PTPRN2: variants seen among roughly 807,000 people sequenced by gnomAD.
PTPRN2 encodes receptor-type tyrosine-protein phosphatase N2.
Under a neutral mutation model 118.8 loss-of-function variants are expected in PTPRN2, and 74 were observed. The observed-to-expected ratio is 0.62, with a 90% confidence interval of 0.52 to 0.76. The LOEUF (loss-of-function observed/expected upper bound fraction) is 0.76, where lower values mean the gene tolerates loss of function less well. PTPRN2 is among the 30% of genes least tolerant of loss of function. The pLI is 0.00. For synonymous variants in PTPRN2, 641 were observed against 608.0 expected (o/e 1.05, Z -0.80); for missense variants, 1,481 against 1,394.4 (o/e 1.06, Z -0.99).
At chr7:157,751,702 T>C (rs562729509) in intron 12 of PTPRN2, among the ~76,000 whole-genome samples, 61 of 151,946 alleles carry the variant, frequency 4.0e-4, no homozygotes, top group Non-Finnish European at 6.3e-4. Flanking sequence ...CGACATCACT[T>C]GGAGAACTTA....
chr7:158,396,121 G>T (rs12669482), intron 2 of PTPRN2, among the ~76,000 whole-genome samples: 1 of 151,822 alleles, frequency 6.6e-6, no homozygotes, highest in Non-Finnish European at 1.5e-5. Context: ...CGAAGGCCGG[G>T]ACACGCACAG....
In PTPRN2 at chr7:157,547,380, T is replaced by C. The variant is rs577894717; in HGVS notation, c.2976+1566A>G. On this transcript the variant is annotated intron_variant, in intron 22 of 22. Coordinates refer to ENST00000389418, the MANE Select transcript of PTPRN2 (RefSeq NM_002847.5). ...GCAGCCAGTACAGGAGGATGGTCAG[T>C]GCGGCAAGATGGACCCTTCCAAGGT... Among the ~76,000 whole-genome samples the C allele has an allele frequency of 2.7e-4, 41 of 152,234 alleles. No homozygotes were observed. The East Asian group carries it at 7.4e-3, about 27-fold the overall frequency.
In PTPRN2 at chr7:157,845,684, G is replaced by T. The variant is rs916456020; in HGVS notation, c.1788+52989C>A. On this transcript the variant is annotated intron_variant, in intron 12 of 22. Coordinates refer to ENST00000389418, the MANE Select transcript of PTPRN2 (RefSeq NM_002847.5). The surrounding 1 kb of genome is among the most constrained non-coding windows in gnomAD (Gnocchi z 4.5). ...GAACCTCCCCGCGGGGCAGGTGGGT[G>T]CACAGGAAAGAAACCAACATGGAGC... Among the ~76,000 whole-genome samples the T allele has an allele frequency of 6.6e-6, 1 of 152,194 alleles. No individual in the cohort carries two copies. Among genetic ancestry groups the T allele is most frequent in the Admixed American group, 6.6e-5 (1 of 15,266 alleles).
intron 6 of PTPRN2, among the ~76,000 whole-genome samples, chr7:158,151,509 G>GC (rs1478993987): frequency 0.012 from 238 of 20,396 alleles, 33 homozygotes; most frequent in East Asian, 0.018. Flanking sequence ...CCGCCTTTCT[G>GC]CTCCTCACCG....
intron 12 of PTPRN2, among the ~76,000 whole-genome samples, chr7:157,844,838 T>C (rs1051892379): frequency 6.6e-6 from 1 of 152,200 alleles, no homozygotes; most frequent in African/African-American, 2.4e-5. Flanking sequence ...ATCTGTGGTG[T>C]TCTGTCTACC....
At chr7:157,836,846 T>TCCATCCATCCATCCATCCATC (rs1554464897) in intron 12 of PTPRN2, among the ~76,000 whole-genome samples, 2 of 151,848 alleles carry the variant, frequency 1.3e-5, no homozygotes, top group South Asian at 2.1e-4. Context: ...GTGTGTCCAT[T>TCCATCCATCCATCCATCCATC]CATCCATCCA....
chr7:157,595,177 C>T (rs537007550), intron 17 of PTPRN2, 61 bp downstream of exon 17: 25 of 1,490,316 alleles, frequency 1.7e-5, no homozygotes, highest in East Asian at 2.3e-5. Context: ...AGACATGATT[C>T]GTGACCCAGT....
chr7:158,075,268 C>A (rs557205582), intron 11 of PTPRN2, among the ~76,000 whole-genome samples: 1 of 152,322 alleles, frequency 6.6e-6, no homozygotes, highest in Non-Finnish European at 1.5e-5. Context: ...TTCCCTAAAG[C>A]CTCCATCCAA....
chr7:158,047,149 G>A (rs1453250175), intron 11 of PTPRN2, among the ~76,000 whole-genome samples: 1 of 152,190 alleles, frequency 6.6e-6, no homozygotes, highest in Non-Finnish European at 1.5e-5. Flanking sequence ...CAGACTCTGT[G>A]TGACACACAC....
At chr7:158,520,234 C>T (rs1278921270) in intron 1 of PTPRN2, among the ~76,000 whole-genome samples, 1 of 152,224 alleles carries the variant, frequency 6.6e-6, no homozygotes, top group Non-Finnish European at 1.5e-5. Context: ...AGTTTGGGAT[C>T]TTGAACAAGG....
At position 157,539,725 on chromosome 7, in the gene PTPRN2, G is replaced by C. The variant is rs1797925761; in HGVS notation, c.*989C>G. The C allele has an allele frequency of 6.6e-6, 1 of 152,130 alleles. No homozygotes were observed. The allele number at this position is 152,130 out of a possible 1,614,324, so 9.4% of individuals were successfully genotyped here. A position where few individuals can be genotyped will look rare whatever the true frequency, so the allele number is the denominator to read the frequency against. The stretch of plus-strand genomic sequence containing the variant: ...CTCCTCTCCCGGGAGGGAAATGCTC[G>C]CAGCCCTCTCCGAGTTGCCCTGATC... On this transcript the variant is annotated 3_prime_UTR_variant, in exon 23 of 23. Coordinates refer to ENST00000389418, the MANE Select transcript of PTPRN2 (RefSeq NM_002847.5).
At chr7:158,423,699 C>T (rs1250949117) in intron 2 of PTPRN2, among the ~76,000 whole-genome samples, 1 of 151,830 alleles carries the variant, frequency 6.6e-6, no homozygotes, top group Non-Finnish European at 1.5e-5. Flanking sequence ...TTAGTAGAGA[C>T]GGGGTTTCAC....
At chr7:158,471,322 C>G (rs1819836248) in intron 2 of PTPRN2, among the ~76,000 whole-genome samples, 1 of 150,130 alleles carries the variant, frequency 6.7e-6, no homozygotes, top group South Asian at 2.2e-4. Context: ...GGATCTTCAA[C>G]AGGGTCTCAC....
intron 11 of PTPRN2, among the ~76,000 whole-genome samples, chr7:157,911,564 C>T (rs1397601668): frequency 6.6e-6 from 1 of 152,080 alleles, no homozygotes; most frequent in South Asian, 2.1e-4. Flanking sequence ...TATTTATATT[C>T]CATTAAATAT....
At chr7:157,753,559 C>T (rs1349781024) in intron 12 of PTPRN2, among the ~76,000 whole-genome samples, 2 of 152,210 alleles carry the variant, frequency 1.3e-5, no homozygotes, top group Non-Finnish European at 2.9e-5. Context: ...GGCAGTGACC[C>T]TTCCTCCAAC....
chr7:158,136,032 C>T lies in PTPRN2; in HGVS notation c.1173+623G>A, dbSNP rs992359968. ...CCAGTGTCTAGCTCGTGGACATCGCCTGCGACTGGGCCCTTCTTCTGACTG... is the reference window on the plus strand; with the variant it reads ...CCAGTGTCTAGCTCGTGGACATCGCTTGCGACTGGGCCCTTCTTCTGACTG... On this transcript the variant is annotated intron_variant, in intron 8 of 22. Transcript: ENST00000389418. Among the ~76,000 whole-genome samples, 9 of 152,196 alleles carry T rather than the reference C, an allele frequency of 5.9e-5. No individual in the cohort carries two copies. In the South Asian group the frequency reaches 6.2e-4, roughly 10 times the overall value.
intron 10 of PTPRN2, among the ~76,000 whole-genome samples, chr7:158,085,218 A>G (rs908568734): frequency 9.7e-6 from 1 of 102,668 alleles, no homozygotes; most frequent in African/African-American, 4.0e-5. Flanking sequence ...GCCCATCCAC[A>G]CAGATACCCA....
chr7:158,387,507 G>A (rs1449715971), intron 2 of PTPRN2, among the ~76,000 whole-genome samples: 4 of 624 alleles, frequency 6.4e-3, no homozygotes, highest in East Asian at 0.33. Context: ...ATCGGGTTAC[G>A]ATGTTGGAAA....
intron 21 of PTPRN2, among the ~76,000 whole-genome samples, chr7:157,552,087 AACCATGCACTCTATG>A (rs1390286023): frequency 2.8e-5 from 4 of 144,708 alleles, no homozygotes; most frequent in Non-Finnish European, 4.5e-5. Flanking sequence ...ACCCTACAGG[AACCATGCACTCTATG>A]GCCACTGCAC....
Sources: gnomAD v4.1 joint callset for allele counts (sites outside exome capture counted in the v4.1 genomes callset) on GRCh38, gnomAD v4.1.1 for gene constraint, Gnocchi (gnomAD v3.1) non-coding constraint, MANE v1.5 for transcripts, NCBI Gene and HGNC (gene_info 2026-07-23, HGNC 2026-07-21) for gene names.